The following NIBAN1 variants were observed in gnomAD, a reference collection of about 807,000 sequenced individuals.
NIBAN1 encodes the protein protein Niban 1.
In NIBAN1, 81 loss-of-function variants were observed where a neutral mutation model predicts 75.1. The ratio of observed to expected loss-of-function variants is 1.08; its 90% CI spans 0.90 to 1.30. The LOEUF is 1.30. NIBAN1 is among the 50% of genes most tolerant of loss of function. The pLI is 0.00. For synonymous variants in NIBAN1, 436 were observed against 424.8 expected (o/e 1.03, Z -0.32); for missense variants, 1,133 against 1,128.1 (o/e 1.00, Z -0.06).
intron 5 of NIBAN1, among the ~76,000 whole-genome samples, chr1:184,863,269 C>G (rs762344265): frequency 7.9e-5 from 12 of 152,118 alleles, no homozygotes; most frequent in African/African-American, 1.4e-4. Context: ...CTTAGGACAA[C>G]AAGAAGAAAG....
intron 1 of NIBAN1, among the ~76,000 whole-genome samples, chr1:184,921,577 A>G (rs565672434): frequency 2.0e-5 from 3 of 152,292 alleles, no homozygotes; most frequent in African/African-American, 7.2e-5. Flanking sequence ...TAAGAAAGAA[A>G]TTTTCTCCAA....
At chr1:184,941,930 A>G (rs980245514) in intron 1 of NIBAN1, among the ~76,000 whole-genome samples, 1 of 152,132 alleles carries the variant, frequency 6.6e-6, no homozygotes, top group Non-Finnish European at 1.5e-5. Flanking sequence ...TATTTGCCCT[A>G]ATTTGTAACA....
chr1:184,913,244 A>G (rs1324053016), intron 1 of NIBAN1, among the ~76,000 whole-genome samples: 1 of 151,180 alleles, frequency 6.6e-6, no homozygotes, highest in African/African-American at 2.4e-5. Context: ...GAGGAAATGC[A>G]TTTGTAATTT....
rs1235804903 is a variant in NIBAN1, at chr1:184,899,445, CCT to C, written c.56-138_56-137del. 11 of 888,868 alleles carry C rather than the reference CCT, an allele frequency of 1.2e-5. No homozygotes were observed. In the East Asian group the frequency reaches 1.7e-4, roughly 13 times the overall value. 55.1% of individuals were successfully genotyped at this position (888,868 alleles called of 1,614,324 possible). On this transcript the variant is annotated intron_variant, in intron 1 of 13. Transcript: ENST00000367511. ...CCCTGTTTCTATCCCTCCAGTCACC[CCT>C]GTTTCCCAGATATTTGCCAGTAGTC...
At chr1:184,826,556 C>A (rs1654846777) in intron 6 of NIBAN1, among the ~76,000 whole-genome samples, 1 of 152,076 alleles carries the variant, frequency 6.6e-6, no homozygotes, top group South Asian at 2.1e-4. Flanking sequence ...GAAGAGAGAC[C>A]AATGCCAGAA....
intron 5 of NIBAN1, among the ~76,000 whole-genome samples, chr1:184,853,877 C>G (rs909251030): frequency 1.3e-5 from 2 of 152,112 alleles, no homozygotes; most frequent in African/African-American, 4.8e-5. Flanking sequence ...CATTAAGACT[C>G]TAGACTGGTG....
intron 8 of NIBAN1, among the ~76,000 whole-genome samples, chr1:184,821,248 C>A (rs979935801): frequency 2.0e-5 from 3 of 152,036 alleles, no homozygotes; most frequent in Non-Finnish European, 2.9e-5. Context: ...GGCTTTACTC[C>A]CAAGAGTCAT....
intron 1 of NIBAN1, among the ~76,000 whole-genome samples, chr1:184,919,207 C>T (rs1313959247): frequency 6.6e-6 from 1 of 152,142 alleles, no homozygotes; most frequent in Non-Finnish European, 1.5e-5. Flanking sequence ...AAAAAAAGAT[C>T]AGTAATTTAA....
intron 1 of NIBAN1, among the ~76,000 whole-genome samples, chr1:184,966,600 C>A (rs1658790401): frequency 6.6e-6 from 1 of 152,124 alleles, no homozygotes; most frequent in African/African-American, 2.4e-5. Context: ...ACAAAGAGGT[C>A]TAGAACTGGG....
intron 1 of NIBAN1, among the ~76,000 whole-genome samples, chr1:184,923,760 T>C (rs373085908): frequency 6.6e-6 from 1 of 152,152 alleles, no homozygotes; most frequent in African/African-American, 2.4e-5. Flanking sequence ...CAGTGTTTTA[T>C]AGTTATCATT....
At chr1:184,890,438 G>A (rs546064713) in intron 3 of NIBAN1, among the ~76,000 whole-genome samples, 44 of 152,324 alleles carry the variant, frequency 2.9e-4, no homozygotes, top group African/African-American at 1.1e-3. Context: ...TCACAACATG[G>A]TAAATCAGAG....
chr1:184,869,833 C>A (rs562797745), intron 5 of NIBAN1, among the ~76,000 whole-genome samples: 1 of 152,188 alleles, frequency 6.6e-6, no homozygotes, highest in East Asian at 1.9e-4. Context: ...TGAGCCACTG[C>A]GCTCGGCCCA....
chr1:184,795,233 C>G lies in NIBAN1; in HGVS notation c.2531G>C (p.Cys844Ser). Reference sequence around the variant, plus strand: ...GCAGATGGGGTCAGAACCTAAGGTGCAGCCCTCTTGCTGTGAGGCATCCCC... The same window carrying G: ...GCAGATGGGGTCAGAACCTAAGGTGGAGCCCTCTTGCTGTGAGGCATCCCC... ...EEGDASQQEG[C>S]TLGSDPICLS... is the part of the protein sequence containing the mutation. Residue 844 changes from cysteine to serine, a missense_variant, in exon 14 of 14, where the codon TGC becomes TCC. Coordinates refer to ENST00000367511, the MANE Select transcript of NIBAN1 (RefSeq NM_052966.4). The G allele has an allele frequency of 6.2e-7, 1 of 1,613,864 alleles. No homozygotes were observed. Among genetic ancestry groups the G allele is most frequent in the Non-Finnish European group, 8.5e-7 (1 of 1,180,038 alleles).
In NIBAN1 at chr1:184,962,974, A is replaced by C. The variant is rs974361427; in HGVS notation, c.55+11328T>G. ...ATTATCCCAGCTAATAAATGAAAAC[A>C]AAATGACATATTAGAATATCACCAT... On this transcript the variant is annotated intron_variant, in intron 1 of 13. Transcript: ENST00000367511. Among the ~76,000 whole-genome samples, 9 of 152,294 alleles carry C rather than the reference A, an allele frequency of 5.9e-5. No individual in the cohort carries two copies. In the East Asian group the frequency reaches 1.5e-3, roughly 26 times the overall value.
intron 5 of NIBAN1, chr1:184,867,823 C>T (rs1301589967): frequency 2.0e-6 from 2 of 981,860 alleles, no homozygotes; most frequent in Admixed American, 6.2e-5. Context: ...TGTTTTGCCC[C>T]CAGCATCTAA....
rs996697427 is a variant in NIBAN1, at chr1:184,794,058, A to G, written c.*919T>C. On this transcript the variant is annotated 3_prime_UTR_variant, in exon 14 of 14. Coordinates refer to ENST00000367511, the MANE Select transcript of NIBAN1 (RefSeq NM_052966.4). The stretch of plus-strand genomic sequence containing the variant: ...TTGGCATATGTTCTCTTCCAGATTA[A>G]ATTCCCTTGGACCTTTTAATTTATG... The G allele has an allele frequency of 6.6e-6, 1 of 152,156 alleles. No homozygotes were observed. Among genetic ancestry groups the G allele is most frequent in the Non-Finnish European group, 1.5e-5 (1 of 68,036 alleles). 9.4% of individuals were successfully genotyped at this position (152,156 alleles called of 1,614,324 possible). A position where few individuals can be genotyped will look rare whatever the true frequency, so the allele number is the denominator to read the frequency against.
chr1:184,953,431 T>C (rs1180010865), intron 1 of NIBAN1, among the ~76,000 whole-genome samples: 1 of 152,230 alleles, frequency 6.6e-6, no homozygotes, highest in Non-Finnish European at 1.5e-5. Flanking sequence ...TGAGACATAT[T>C]ATAAATATCA....
chr1:184,879,826 C>A (rs1656331464), intron 5 of NIBAN1, among the ~76,000 whole-genome samples: 1 of 152,234 alleles, frequency 6.6e-6, no homozygotes, highest in African/African-American at 2.4e-5. Context: ...CCACATTCCA[C>A]CTGACTCACT....
chr1:184,925,523 T>A (rs1164805134), intron 1 of NIBAN1, among the ~76,000 whole-genome samples: 1 of 152,108 alleles, frequency 6.6e-6, no homozygotes, highest in Non-Finnish European at 1.5e-5. Context: ...TTAGTGAAGA[T>A]GATTTTTCTC....
Sources: gnomAD v4.1 joint callset for allele counts (sites outside exome capture counted in the v4.1 genomes callset) on GRCh38, gnomAD v4.1.1 for gene constraint, MANE v1.5 for transcripts, NCBI Gene and HGNC (gene_info 2026-07-23, HGNC 2026-07-21) for gene names.